Variants in ATP11B observed in about 807,000 individuals in gnomAD.
The protein encoded by ATP11B is ATPase phospholipid transporting 11B (putative), also known as phospholipid-transporting ATPase IF.
A neutral mutation model predicts 157.8 loss-of-function variants in ATP11B; 81 were observed. That is an observed-to-expected ratio of 0.51 (90% confidence interval 0.43 to 0.62). The LOEUF (loss-of-function observed/expected upper bound fraction) is 0.62. Among genes scored for constraint, ATP11B ranks in the 20% least tolerant of loss-of-function variants. The pLI, the probability that ATP11B is intolerant of heterozygous loss-of-function variation, is 0.00. For synonymous variants in ATP11B, 451 were observed against 469.4 expected, an observed-to-expected ratio of 0.96 and a Z score of 0.51; for missense variants, 1,165 against 1,402.2, an observed-to-expected ratio of 0.83 and a Z score of 2.70.
chr3:182,887,988 A>G (rs2108568303), intron 24 of ATP11B, among the ~76,000 whole-genome samples: 1 of 152,316 alleles, frequency 6.6e-6, no homozygotes, highest in South Asian at 2.1e-4. Context: ...GTAATATTCT[A>G]TTTCGTGTGC....
intron 25 of ATP11B, among the ~76,000 whole-genome samples, chr3:182,895,581 G>A (rs1673889144): frequency 6.6e-6 from 1 of 152,150 alleles, no homozygotes; most frequent in Non-Finnish European, 1.5e-5. Flanking sequence ...CCAGTGTTAA[G>A]ATAATGATTG....
At chr3:182,832,787 A>G (rs1425490107) in intron 4 of ATP11B, among the ~76,000 whole-genome samples, 1 of 152,200 alleles carries the variant, frequency 6.6e-6, no homozygotes. Flanking sequence ...CCACGATTCT[A>G]AAACCTATGA....
At chr3:182,886,926 TAA>T (rs1722833182) in intron 23 of ATP11B, among the ~76,000 whole-genome samples, 9 of 152,214 alleles carry the variant, frequency 5.9e-5, no homozygotes, top group Non-Finnish European at 1.5e-5. Flanking sequence ...CTAAATGAAC[TAA>T]AGAATATGCT....
At chr3:182,876,763 T>C (rs1722070687) in intron 19 of ATP11B, among the ~76,000 whole-genome samples, 20 of 152,198 alleles carry the variant, frequency 1.3e-4, no homozygotes, top group Admixed American at 1.3e-3. Flanking sequence ...GCAAAGCCAT[T>C]ATGACTTAAT....
At chr3:182,848,632 T>C (rs530655638) in intron 10 of ATP11B, 75 bp downstream of exon 10, 1 of 550,576 alleles carries the variant, frequency 1.8e-6, no homozygotes, top group East Asian at 5.6e-5. Flanking sequence ...TAAAATATTA[T>C]ATATATAATA....
chr3:182,862,477 A>G (rs16833541), intron 12 of ATP11B, among the ~76,000 whole-genome samples: 1,801 of 152,266 alleles, frequency 0.012, 40 homozygotes, highest in African/African-American at 0.041. Flanking sequence ...TGCGGAGACC[A>G]GATTCTGTCC....
At chr3:182,917,907 G>C in intron 29 of ATP11B, 116 bp from the exon 30 acceptor site, 1 of 1,434,790 alleles carries the variant, frequency 7.0e-7, no homozygotes. Flanking sequence ...CCTCTCTTTA[G>C]TATTTAAATG....
intron 4 of ATP11B, chr3:182,830,097 C>A: frequency 2.9e-6 from 1 of 339,726 alleles, no homozygotes; most frequent in Non-Finnish European, 4.2e-6. Flanking sequence ...AAATACAATT[C>A]AAAAGAGATA....
chr3:182,846,426 A>G (rs1719535377), intron 9 of ATP11B, among the ~76,000 whole-genome samples: 1 of 152,234 alleles, frequency 6.6e-6, no homozygotes, highest in Non-Finnish European at 1.5e-5. Flanking sequence ...GCAGTTCTTC[A>G]ATAAGTTAAA....
Position 182,848,460 on chromosome 3 carries a change from T to A in ATP11B, c.770-16T>A, listed in dbSNP as rs574501221. On this transcript the variant is annotated splice_polypyrimidine_tract_variant and intron_variant, in intron 9 of 29. Transcript: ENST00000323116. ...TAGAGGATTATTTTAAGAGACAATT[T>A]TGTTTTATTTTACAGGTGTTGCGGT... 2 of 1,423,054 alleles carry A rather than the reference T, an allele frequency of 1.4e-6. No individual in the cohort carries two copies. Among genetic ancestry groups the A allele is most frequent in the African/African-American group, 1.4e-5 (1 of 69,106 alleles). 88.2% of individuals were successfully genotyped at this position (1,423,054 alleles called of 1,614,324 possible). A position where few individuals can be genotyped will look rare whatever the true frequency, so the allele number is the denominator to read the frequency against.
intron 28 of ATP11B, among the ~76,000 whole-genome samples, chr3:182,904,268 A>G (rs1215693857): frequency 1.3e-5 from 2 of 152,214 alleles, no homozygotes; most frequent in Non-Finnish European, 2.9e-5. Context: ...CTGTTTATTT[A>G]CCATCAGCAT....
chr3:182,846,025 A>G (rs1719491806), intron 9 of ATP11B, among the ~76,000 whole-genome samples: 1 of 152,270 alleles, frequency 6.6e-6, no homozygotes, highest in African/African-American at 2.4e-5. Flanking sequence ...ATGGATCAAA[A>G]GGATGAATAA....
At chr3:182,889,007 C>T (rs911464614) in intron 24 of ATP11B, among the ~76,000 whole-genome samples, 64 of 151,934 alleles carry the variant, frequency 4.2e-4, no homozygotes, top group African/African-American at 1.4e-3. Flanking sequence ...AGACTACAGG[C>T]GCGTGCCAAC....
In ATP11B at chr3:182,920,454, C is replaced by T. The variant is rs1048412072; in HGVS notation, c.*2350C>T. On this transcript the variant is annotated 3_prime_UTR_variant, in exon 30 of 30. Transcript: ENST00000323116. ...CTATATTCATCCTGTAAAACTCTTA[C>T]TACGTAACCAGTAATCACAAGGAAA... 1 of 152,194 alleles carries T rather than the reference C, an allele frequency of 6.6e-6. No individual in the cohort carries two copies. The highest frequency in any genetic ancestry group is 2.4e-5 in the African/African-American group (1 of 41,454). 9.4% of individuals were successfully genotyped at this position (152,194 alleles called of 1,614,324 possible).
At chr3:182,836,221 AGTT>A (rs780969057) in intron 5 of ATP11B, 79 bp downstream of exon 5, 51 of 1,559,520 alleles carry the variant, frequency 3.3e-5, no homozygotes, top group Non-Finnish European at 4.5e-5. Flanking sequence ...ATTACGTTTT[AGTT>A]AAAAGCCTAC....
chr3:182,835,839 A>T (rs1172321785), intron 4 of ATP11B, among the ~76,000 whole-genome samples, 196 bp from the exon 5 acceptor site: 1 of 152,164 alleles, frequency 6.6e-6, no homozygotes, highest in Non-Finnish European at 1.5e-5. Flanking sequence ...AGCCAGGAAA[A>T]TGTATATGAC....
chr3:182,894,892 T>G (rs2108575654), intron 25 of ATP11B, among the ~76,000 whole-genome samples: 1 of 151,112 alleles, frequency 6.6e-6, no homozygotes, highest in African/African-American at 2.4e-5. Flanking sequence ...CCAAAGCAGG[T>G]GGATCACTTG....
At chr3:182,879,867 G>GA (rs1194557488) in intron 20 of ATP11B, among the ~76,000 whole-genome samples, 3 of 152,166 alleles carry the variant, frequency 2.0e-5, no homozygotes, top group Non-Finnish European at 2.9e-5. Flanking sequence ...GAAAACCTGT[G>GA]ATGAGTAGCA....
At chr3:182,797,876 T>G (rs111388263) in intron 1 of ATP11B, among the ~76,000 whole-genome samples, 16 of 152,240 alleles carry the variant, frequency 1.1e-4, no homozygotes, top group African/African-American at 3.9e-4. Flanking sequence ...CTACGTGACT[T>G]GCATCTGTTG....
Sources: gnomAD v4.1 joint callset for allele counts (sites outside exome capture counted in the v4.1 genomes callset) on GRCh38, gnomAD v4.1.1 for gene constraint, MANE v1.5 for transcripts, NCBI Gene and HGNC (gene_info 2026-07-23, HGNC 2026-07-21) for gene names.